NLRP11: variants seen among roughly 807,000 people sequenced by gnomAD.
NLRP11 encodes the protein NLR family pyrin domain containing 11.
A neutral mutation model predicts 79.3 loss-of-function variants in NLRP11; 53 were observed. That is an observed-to-expected ratio of 0.67 (90% CI 0.54 to 0.84). The LOEUF is 0.84. Among genes scored for constraint, NLRP11 ranks in the 40% least tolerant of loss-of-function variants. The pLI is 0.00. For missense variants in NLRP11, 1,264 were observed against 1,255.0 expected (o/e 1.01, Z -0.11); for synonymous variants, 518 against 462.6 (o/e 1.12, Z -1.54).
At chr19:55,829,104 G>A (rs1365656720) in intron 1 of NLRP11, among the ~76,000 whole-genome samples, 1 of 152,126 alleles carries the variant, frequency 6.6e-6, no homozygotes, top group East Asian at 1.9e-4. Flanking sequence ...GGTCAGATGA[G>A]GGTATGAAAT....
intron 2 of NLRP11, among the ~76,000 whole-genome samples, chr19:55,811,844 G>A (rs922929587): frequency 2.0e-5 from 3 of 151,830 alleles, no homozygotes; most frequent in African/African-American, 7.3e-5. Context: ...TTCTTGTTAT[G>A]CAGTTCCTTA....
intron 1 of NLRP11, among the ~76,000 whole-genome samples, chr19:55,820,301 G>T: frequency 6.6e-6 from 1 of 152,120 alleles, no homozygotes; most frequent in East Asian, 1.9e-4. Context: ...AGGTGAAGTC[G>T]AGCAAACTTT....
chr19:55,791,847 A>G (rs980237740), intron 7 of NLRP11, among the ~76,000 whole-genome samples: 9 of 152,206 alleles, frequency 5.9e-5, no homozygotes, highest in Non-Finnish European at 1.3e-4. Context: ...TTTGGTAGGT[A>G]CCAGTGGCTT....
chr19:55,804,133 A>T (rs1405830724), intron 4 of NLRP11, among the ~76,000 whole-genome samples: 1 of 152,210 alleles, frequency 6.6e-6, no homozygotes, highest in Non-Finnish European at 1.5e-5. Context: ...TAAATAAAAC[A>T]GATGCTGGCA....
chr19:55,808,990 C>G, exon 3 of NLRP11: 1 of 1,614,034 alleles, frequency 6.2e-7, no homozygotes, highest in Admixed American at 1.7e-5. Flanking sequence ...GCATATGGTG[C>G]GTCAACTTTT....
chr19:55,813,778 G>A (rs771130075), intron 2 of NLRP11, among the ~76,000 whole-genome samples: 2 of 152,102 alleles, frequency 1.3e-5, no homozygotes, highest in Non-Finnish European at 2.9e-5. Flanking sequence ...AATGTCCATG[G>A]AAGTGAGAAA....
At chr19:55,827,046 G>A (rs1242901371) in intron 1 of NLRP11, among the ~76,000 whole-genome samples, 6 of 145,926 alleles carry the variant, frequency 4.1e-5, no homozygotes, top group African/African-American at 1.6e-4. Flanking sequence ...AAAACAGCAT[G>A]GTACTGGTAC....
chr19:55,803,412 C>T (rs1188320372), intron 4 of NLRP11, among the ~76,000 whole-genome samples: 1 of 152,152 alleles, frequency 6.6e-6, no homozygotes, highest in Non-Finnish European at 1.5e-5. Flanking sequence ...GCAAAGATTT[C>T]ATCATGAAGA....
At chr19:55,830,943 CA>C (rs1418465980) in intron 1 of NLRP11, among the ~76,000 whole-genome samples, 10 of 152,226 alleles carry the variant, frequency 6.6e-5, no homozygotes, top group African/African-American at 2.4e-4. Flanking sequence ...GGGGAGTTAT[CA>C]AAAACCCCAG....
At chr19:55,827,577 C>A (rs1299281258) in intron 1 of NLRP11, among the ~76,000 whole-genome samples, 1 of 149,368 alleles carries the variant, frequency 6.7e-6, no homozygotes, top group Non-Finnish European at 1.5e-5. Flanking sequence ...AAGAAAAAAA[C>A]AAACAACCCC....
chr19:55,808,623 G>T, intron 3 of NLRP11, 146 bp downstream of exon 3: 2 of 748,438 alleles, frequency 2.7e-6, no homozygotes, highest in South Asian at 1.9e-5. Flanking sequence ...GAAGCAGAGA[G>T]ATTTAAGTCA....
intron 4 of NLRP11, among the ~76,000 whole-genome samples, chr19:55,807,063 G>T (rs753681920): frequency 6.6e-6 from 1 of 152,104 alleles, no homozygotes; most frequent in Non-Finnish European, 1.5e-5. Context: ...TAAAATGCGT[G>T]TACTTATTAT....
At chr19:55,789,747 C>A (rs1337739098) in intron 7 of NLRP11, among the ~76,000 whole-genome samples, 2 of 152,230 alleles carry the variant, frequency 1.3e-5, no homozygotes, top group South Asian at 2.1e-4. Flanking sequence ...TGTTAGGCAA[C>A]CTCCTCTGAC....
intron 1 of NLRP11, among the ~76,000 whole-genome samples, chr19:55,829,232 G>C (rs554322637): frequency 1.3e-5 from 2 of 151,372 alleles, no homozygotes; most frequent in Admixed American, 1.3e-4. Context: ...CTATGAAGCA[G>C]AGTCACTAGG....
intron 2 of NLRP11, among the ~76,000 whole-genome samples, chr19:55,814,518 C>T (rs1051452482): frequency 2.6e-5 from 4 of 151,652 alleles, no homozygotes; most frequent in African/African-American, 9.7e-5. Context: ...ATTTTGGACA[C>T]AGTTGTCCAT....
intron 9 of NLRP11, 66 bp from the exon 10 acceptor site, chr19:55,785,937 T>C: frequency 2.6e-6 from 4 of 1,516,004 alleles, no homozygotes; most frequent in Middle Eastern, 1.8e-4. Flanking sequence ...GTTGCATCAA[T>C]GACTAATTCC....
Position 55,789,488 on chromosome 19 carries a change from G to A in NLRP11, c.2514-89C>T, listed in dbSNP as rs902647998. 32 of 1,220,940 alleles carry A rather than the reference G, an allele frequency of 2.6e-5. No individual in the cohort carries two copies. The African/African-American group carries it at 4.2e-4, about 16-fold the overall frequency. The allele number at this position is 1,220,940 out of a possible 1,614,324, so 75.6% of individuals were successfully genotyped here. A position where few individuals can be genotyped will look rare whatever the true frequency, so the allele number is the denominator to read the frequency against. On this transcript the variant is annotated intron_variant, in intron 7 of 9. Transcript: ENST00000589093. ...TGTTAAGCATTCTTGGACCCGTCTT[G>A]TGACATTCATGAATAAGGGACTGCT... is the stretch of plus-strand genomic sequence containing the variant.
chr19:55,809,045 T>C lies in NLRP11; in HGVS notation c.1565A>G (p.Lys522Arg). ...TTTCATGTATCCCACCGAGTACCAC[T>C]TGAAGCTGTCTACCATCGGTAGCTG... The change falls in exon 3 of 10, where the codon AAG (lysine) becomes AGG (arginine). Residue 522 changes from lysine (K) to arginine (R), a missense_variant. Physicochemically the swap from Lys to Arg is conservative, Grantham distance 26. Transcript: ENST00000589093. This position sits in a 1 kb window ranked among gnomAD's most constrained non-coding sequence, Gnocchi z 4.5. 1 of 1,614,110 alleles carries C rather than the reference T, an allele frequency of 6.2e-7. No individual in the cohort carries two copies. The highest frequency in any genetic ancestry group is 8.5e-7 in the Non-Finnish European group (1 of 1,180,012).
intron 1 of NLRP11, among the ~76,000 whole-genome samples, chr19:55,821,603 C>T (rs146428191): frequency 2.6e-5 from 4 of 152,200 alleles, no homozygotes; most frequent in African/African-American, 7.2e-5. Flanking sequence ...TACCTTGCAG[C>T]AGGCAAACCC....
Sources: gnomAD v4.1 joint callset for allele counts (sites outside exome capture counted in the v4.1 genomes callset) on GRCh38, gnomAD v4.1.1 for gene constraint, Gnocchi (gnomAD v3.1) non-coding constraint, MANE v1.5 for transcripts, NCBI Gene and HGNC (gene_info 2026-07-23, HGNC 2026-07-21) for gene names.